Variants in SHLD1 observed in about 807,000 individuals in gnomAD.
SHLD1 encodes the protein RINN1-REV7-interacting novel NHEJ regulator 3.
A neutral mutation model predicts 5.5 loss-of-function variants in SHLD1; 3 were observed. The observed-to-expected ratio is 0.54, with a 90% CI of 0.25 to 1.40. The LOEUF (loss-of-function observed/expected upper bound fraction) is 1.40. Ranked by LOEUF, SHLD1 falls within the 40% of genes most tolerant of loss-of-function variation. The pLI, the probability that SHLD1 is intolerant of heterozygous loss-of-function variation, is 0.15. For missense variants in SHLD1, 210 were observed against 244.4 expected, an observed-to-expected ratio of 0.86 and a Z score of 0.94; for synonymous variants, 92 against 94.3, an observed-to-expected ratio of 0.98 and a Z score of 0.14.
At chr20:5,861,587 A>G (rs912011968) in intron 2 of SHLD1, among the ~76,000 whole-genome samples, 3 of 152,192 alleles carry the variant, frequency 2.0e-5, no homozygotes, top group Non-Finnish European at 4.4e-5. Context: ...CGGATAATCT[A>G]TTTCTCTGAT....
At chr20:5,793,579 T>G (rs2087171525) in intron 2 of SHLD1, among the ~76,000 whole-genome samples, 1 of 152,238 alleles carries the variant, frequency 6.6e-6, no homozygotes, top group Non-Finnish European at 1.5e-5. Context: ...CCTCCATTTC[T>G]TAGTATTTTT....
intron 2 of SHLD1, among the ~76,000 whole-genome samples, chr20:5,787,470 C>T (rs2087075688): frequency 6.6e-6 from 1 of 152,166 alleles, no homozygotes; most frequent in Admixed American, 6.5e-5. Context: ...TGGTAACATG[C>T]TTGAAGTTAC....
intron 2 of SHLD1, among the ~76,000 whole-genome samples, chr20:5,829,897 C>T (rs71338512): frequency 0.013 from 2,022 of 151,788 alleles, 33 homozygotes; most frequent in Non-Finnish European, 0.02. Context: ...AAAACACAGG[C>T]AATATCTGTG....
intron 1 of SHLD1, among the ~76,000 whole-genome samples, chr20:5,771,547 C>A (rs1373192813): frequency 6.6e-6 from 1 of 152,170 alleles, no homozygotes; most frequent in South Asian, 2.1e-4. Context: ...CTGTTCATAT[C>A]TTCCACGCAC....
chr20:5,849,345 T>C (rs1367648374), intron 2 of SHLD1, among the ~76,000 whole-genome samples: 1 of 152,128 alleles, frequency 6.6e-6, no homozygotes, highest in Non-Finnish European at 1.5e-5. Flanking sequence ...AGCTAGGAAG[T>C]GGGAGAAATG....
At chr20:5,799,280 G>A (rs921914551) in intron 2 of SHLD1, among the ~76,000 whole-genome samples, 7 of 146,880 alleles carry the variant, frequency 4.8e-5, no homozygotes, top group Middle Eastern at 3.3e-3. Flanking sequence ...TCTCTCTCTC[G>A]CTCTCTCTCT....
intron 2 of SHLD1, among the ~76,000 whole-genome samples, chr20:5,789,110 A>G (rs2087102131): frequency 6.6e-6 from 1 of 152,004 alleles, no homozygotes; most frequent in South Asian, 2.1e-4. Flanking sequence ...CCTGGGAGAC[A>G]GAGAGAGTGA....
intron 2 of SHLD1, among the ~76,000 whole-genome samples, chr20:5,794,187 A>G (rs2122315092): frequency 6.6e-6 from 1 of 152,290 alleles, no homozygotes; most frequent in East Asian, 1.9e-4. Flanking sequence ...ACTCTTTCTT[A>G]GTTTCCTCAT....
intron 2 of SHLD1, among the ~76,000 whole-genome samples, chr20:5,799,059 C>T (rs990528090): frequency 1.8e-4 from 27 of 152,066 alleles, no homozygotes; most frequent in Admixed American, 6.6e-5. Context: ...AAAAATTAGC[C>T]AGGCATGGTG....
chr20:5,861,707 T>C (rs2088165129), intron 2 of SHLD1, among the ~76,000 whole-genome samples: 2 of 152,220 alleles, frequency 1.3e-5, no homozygotes, highest in African/African-American at 4.8e-5. Flanking sequence ...CAAGATGTCA[T>C]TTCCAGCTAG....
intron 2 of SHLD1, among the ~76,000 whole-genome samples, chr20:5,852,854 G>A (rs955903094): frequency 1.3e-5 from 2 of 152,124 alleles, no homozygotes; most frequent in Non-Finnish European, 2.9e-5. Flanking sequence ...AAATATCCCC[G>A]AGTATTATGT....
chr20:5,845,187 G>A (rs2087918409), intron 2 of SHLD1, among the ~76,000 whole-genome samples: 1 of 152,188 alleles, frequency 6.6e-6, no homozygotes, highest in Non-Finnish European at 1.5e-5. Flanking sequence ...CAACTCTGCT[G>A]TGGGTACTAT....
chr20:5,863,072 A>C lies in SHLD1; in HGVS notation c.227A>C (p.Asn76Thr). The change falls in exon 3 of 3, where the codon AAC becomes ACC. Residue 76 changes from asparagine to threonine, a missense_variant. Asn to Thr is a moderately conservative substitution (Grantham distance 65). Coordinates refer to ENST00000303142, the MANE Select transcript of SHLD1 (RefSeq NM_152504.4). ...CAAAATAACTCCTGGACCGCTGAGA[A>C]CTTCTGGCTTGACCCTGCTGTGAAA... Reference protein sequence around the residue: ...IEQNNSWTAENFWLDPAVKGQ... With the variant: ...IEQNNSWTAETFWLDPAVKGQ... 16 of 1,613,852 alleles carry C rather than the reference A, an allele frequency of 9.9e-6. No individual in the cohort carries two copies. The highest frequency in any genetic ancestry group is 1.1e-5 in the Non-Finnish European group (13 of 1,179,904).
intron 2 of SHLD1, among the ~76,000 whole-genome samples, chr20:5,780,092 C>T (rs1985622781): frequency 1.3e-5 from 2 of 148,300 alleles, no homozygotes; most frequent in African/African-American, 2.5e-5. Context: ...GATTCTCATG[C>T]CTCAGCCTCC....
intron 2 of SHLD1, among the ~76,000 whole-genome samples, chr20:5,789,208 CTTTTT>C (rs10545298): frequency 3.5e-5 from 5 of 141,948 alleles, no homozygotes; most frequent in Admixed American, 7.0e-5. Flanking sequence ...AAAAGTTGTG[CTTTTT>C]TTTTTTTTTT....
intron 2 of SHLD1, among the ~76,000 whole-genome samples, chr20:5,860,182 A>G (rs1699238): frequency 0.38 from 58,196 of 151,402 alleles, 11,917 homozygotes; most frequent in Admixed American, 0.51. Flanking sequence ...TCATCCTGCC[A>G]TCACGGGACC....
intron 2 of SHLD1, among the ~76,000 whole-genome samples, chr20:5,836,809 C>T (rs2087794690): frequency 6.6e-6 from 1 of 152,140 alleles, no homozygotes; most frequent in African/African-American, 2.4e-5. Context: ...AATGCCTCAC[C>T]CTTAGATTTG....
intron 2 of SHLD1, among the ~76,000 whole-genome samples, chr20:5,784,677 C>T (rs991679837): frequency 1.3e-5 from 2 of 152,054 alleles, no homozygotes; most frequent in South Asian, 2.1e-4. Context: ...GTCTCGATCG[C>T]CTGACCTTGT....
Position 5,863,517 on chromosome 20 carries a change from A to G in SHLD1, c.*54A>G. On this transcript the variant is annotated 3_prime_UTR_variant, in exon 3 of 3. Transcript: ENST00000303142. ...ATGGAGGTGCTGTGCCATGACCAGC[A>G]GTGTTGGTGGCCACCCAGATCCCCT... 1.3e-6 allele frequency: 2 copies of G among 1,521,946 alleles called. No homozygotes were observed. Among genetic ancestry groups the G allele is most frequent in the Non-Finnish European group, 1.8e-6 (2 of 1,130,534 alleles). 94.3% of individuals were successfully genotyped at this position (1,521,946 alleles called of 1,614,324 possible).
Sources: gnomAD v4.1 joint callset for allele counts (sites outside exome capture counted in the v4.1 genomes callset) on GRCh38, gnomAD v4.1.1 for gene constraint, MANE v1.5 for transcripts, NCBI Gene and HGNC (gene_info 2026-07-23, HGNC 2026-07-21) for gene names.